The following PTPRG variants were observed in gnomAD, a reference collection of about 807,000 sequenced individuals.
PTPRG encodes the protein receptor-type tyrosine-protein phosphatase gamma.
A neutral mutation model predicts 165.3 loss-of-function variants in PTPRG; 102 were observed. That is an observed-to-expected ratio of 0.62 (90% CI 0.53 to 0.73). The LOEUF (loss-of-function observed/expected upper bound fraction) is 0.73. Among genes scored for constraint, PTPRG ranks in the 30% least tolerant of loss-of-function variants. PTPRG has a pLI of 0.00. For synonymous variants in PTPRG, 675 were observed against 669.5 expected, an observed-to-expected ratio of 1.01 and a Z score of -0.13; for missense variants, 1,866 against 1,861.4, an observed-to-expected ratio of 1.00 and a Z score of -0.05.
At chr3:61,817,002 A>ACT (rs2035784449) in intron 2 of PTPRG, among the ~76,000 whole-genome samples, 1 of 121,598 alleles carries the variant, frequency 8.2e-6, no homozygotes. Flanking sequence ...TATATTATAT[A>ACT]ATATAAATAT....
rs150751238 is a variant in PTPRG at position 61,700,444 on chromosome 3, T to C, written c.86-48434T>C. Among the ~76,000 whole-genome samples, 85 of 152,348 alleles carry C rather than the reference T, an allele frequency of 5.6e-4. 1 individual carries two copies. The East Asian group carries it at 0.016, about 28-fold the overall frequency. On this transcript the variant is annotated intron_variant, in intron 1 of 29. Transcript: ENST00000474889. ...AATTCAGCACAGTACTAAAAGCTTGTACCTAATTGCCTTTTCTTTATATTT... is the reference window on the plus strand; with the variant it reads ...AATTCAGCACAGTACTAAAAGCTTGCACCTAATTGCCTTTTCTTTATATTT...
chr3:61,741,024 A>G (rs2032961657), intron 1 of PTPRG, among the ~76,000 whole-genome samples: 1 of 152,314 alleles, frequency 6.6e-6, no homozygotes, highest in South Asian at 2.1e-4. Context: ...CACAAAGGAA[A>G]TGAGAGGTTG....
At chr3:61,919,666 G>A (rs1341902478) in intron 2 of PTPRG, among the ~76,000 whole-genome samples, 1 of 152,106 alleles carries the variant, frequency 6.6e-6, no homozygotes, top group Non-Finnish European at 1.5e-5. Flanking sequence ...ATCTCGTCAT[G>A]GGGAGGGTTT....
intron 2 of PTPRG, among the ~76,000 whole-genome samples, chr3:61,946,346 C>T (rs1288321510): frequency 6.6e-6 from 1 of 152,100 alleles, no homozygotes; most frequent in East Asian, 1.9e-4. Flanking sequence ...TTAATTCCTG[C>T]CATGCCTGTG....
chr3:61,780,659 C>T (rs1455808127), intron 2 of PTPRG, among the ~76,000 whole-genome samples: 1 of 152,166 alleles, frequency 6.6e-6, no homozygotes, highest in Non-Finnish European at 1.5e-5. Context: ...TAGTCAGTCC[C>T]TACTGATGAG....
intron 2 of PTPRG, among the ~76,000 whole-genome samples, chr3:61,916,997 CT>C (rs1194971648): frequency 6.6e-6 from 1 of 152,132 alleles, no homozygotes; most frequent in African/African-American, 2.4e-5. Context: ...GCATTCTGAG[CT>C]GTTTTCTTCT....
Position 62,203,141 on chromosome 3 carries a change from C to G in PTPRG, c.1378-32C>G, listed in dbSNP as rs1308646300. ...TTCTCTGCTTTTTCTTCTTCTGCCT[C>G]TTTTCCACCCTTGCCGGGTGACCCT... is the stretch of plus-strand genomic sequence containing the variant. On this transcript the variant is annotated intron_variant, in intron 11 of 29. Coordinates refer to ENST00000474889, the MANE Select transcript of PTPRG (RefSeq NM_002841.4). This position sits in a 1 kb window ranked among gnomAD's most constrained non-coding sequence, Gnocchi z 6.4. 2 of 1,533,628 alleles carry G rather than the reference C, an allele frequency of 1.3e-6. No individual in the cohort carries two copies. The highest frequency in any genetic ancestry group is 2.5e-5 in the South Asian group (2 of 78,800).
At chr3:61,729,159 T>C (rs1046283929) in intron 1 of PTPRG, among the ~76,000 whole-genome samples, 1 of 152,166 alleles carries the variant, frequency 6.6e-6, no homozygotes, top group African/African-American at 2.4e-5. Flanking sequence ...AAGGGTAATC[T>C]GATATCTGGC....
In PTPRG at chr3:62,252,841, A is replaced by T. The variant is rs1376273799; in HGVS notation, c.2468-2283A>T. Among the ~76,000 whole-genome samples, 6 of 152,206 alleles carry T rather than the reference A, an allele frequency of 3.9e-5. No homozygotes were observed. Among genetic ancestry groups the T allele is most frequent in the Non-Finnish European group, 7.3e-5 (5 of 68,030 alleles). On this transcript the variant is annotated intron_variant, in intron 15 of 29. Coordinates refer to ENST00000474889, the MANE Select transcript of PTPRG (RefSeq NM_002841.4). The surrounding 1 kb of genome is among the most constrained non-coding windows in gnomAD (Gnocchi z 4.6). ...GGTAGCTGACAGTGGTCAGTACAGC[A>T]TGCATCTGTATGTATGTCCGCCTGT...
At chr3:61,754,832 G>C (rs1230402426) in intron 2 of PTPRG, among the ~76,000 whole-genome samples, 1 of 152,164 alleles carries the variant, frequency 6.6e-6, no homozygotes, top group Non-Finnish European at 1.5e-5. Context: ...GCAGAATTCA[G>C]CTTTTGTCAT....
chr3:61,921,715 A>G (rs1467746496), intron 2 of PTPRG, among the ~76,000 whole-genome samples: 2 of 152,184 alleles, frequency 1.3e-5, no homozygotes, highest in Non-Finnish European at 2.9e-5. Context: ...ATATCTCATT[A>G]TTTATTTGAA....
intron 2 of PTPRG, chr3:61,749,852 A>G (rs1035255282): frequency 6.6e-6 from 1 of 152,270 alleles, no homozygotes; most frequent in Non-Finnish European, 1.5e-5. Context: ...AAATCTATGT[A>G]TTATGCAATG....
chr3:61,955,267 C>G (rs2040004185), intron 2 of PTPRG, among the ~76,000 whole-genome samples: 1 of 152,148 alleles, frequency 6.6e-6, no homozygotes, highest in Non-Finnish European at 1.5e-5. Flanking sequence ...ATGTTTTTAA[C>G]TGGAAAATGT....
At chr3:61,828,930 T>G (rs1342452124) in intron 2 of PTPRG, among the ~76,000 whole-genome samples, 1 of 152,230 alleles carries the variant, frequency 6.6e-6, no homozygotes, top group Non-Finnish European at 1.5e-5. Context: ...TGACTGATTC[T>G]GTACCCAGAA....
At chr3:61,873,926 G>A (rs184599484) in intron 2 of PTPRG, among the ~76,000 whole-genome samples, 144 of 152,302 alleles carry the variant, frequency 9.5e-4, no homozygotes, top group African/African-American at 3.4e-3. Flanking sequence ...AAATTGTTCA[G>A]TAGAGCAGTG....
intron 3 of PTPRG, among the ~76,000 whole-genome samples, chr3:61,992,818 G>A (rs1448669324): frequency 6.6e-6 from 1 of 151,480 alleles, no homozygotes; most frequent in Non-Finnish European, 1.5e-5. Flanking sequence ...CACCGTGCCC[G>A]GCCATGCCCG....
intron 1 of PTPRG, among the ~76,000 whole-genome samples, chr3:61,679,810 A>C (rs1575585316): frequency 6.6e-6 from 1 of 151,924 alleles, no homozygotes; most frequent in African/African-American, 2.4e-5. Context: ...AAGCAAAAAA[A>C]CCCCACAATC....
chr3:61,821,262 T>C (rs662011), intron 2 of PTPRG, among the ~76,000 whole-genome samples: 55,569 of 151,676 alleles, frequency 0.37, 12,029 homozygotes, highest in African/African-American at 0.61. Flanking sequence ...CTCCGCCGCC[T>C]GGGTTCATGC....
chr3:62,002,813 T>C (rs2041205766), intron 3 of PTPRG, among the ~76,000 whole-genome samples: 1 of 152,244 alleles, frequency 6.6e-6, no homozygotes, highest in Non-Finnish European at 1.5e-5. Flanking sequence ...CTCCCAACTG[T>C]CTTCCCACTT....
Sources: gnomAD v4.1 joint callset for allele counts (sites outside exome capture counted in the v4.1 genomes callset) on GRCh38, gnomAD v4.1.1 for gene constraint, Gnocchi (gnomAD v3.1) non-coding constraint, MANE v1.5 for transcripts, NCBI Gene and HGNC (gene_info 2026-07-23, HGNC 2026-07-21) for gene names.